Variants in ELMO1 observed in about 807,000 individuals in gnomAD.
ELMO1 encodes engulfment and cell motility 1, also known as engulfment and cell motility protein 1.
Under a neutral mutation model 98.9 loss-of-function variants are expected in ELMO1, and 26 were observed. That is an observed-to-expected ratio of 0.26 (90% CI 0.19 to 0.36). The LOEUF is 0.36. Ranked by LOEUF, ELMO1 falls within the 10% of genes least tolerant of loss-of-function variation. The pLI, the probability that ELMO1 is intolerant of heterozygous loss-of-function variation, is 1.00. For synonymous variants in ELMO1, 346 were observed against 346.0 expected, an observed-to-expected ratio of 1.00 and a Z score of 0.00; for missense variants, 627 against 935.2, an observed-to-expected ratio of 0.67 and a Z score of 4.30.
chr7:37,236,512 T>C (rs1324205499), intron 7 of ELMO1, among the ~76,000 whole-genome samples: 1 of 152,202 alleles, frequency 6.6e-6, no homozygotes, highest in Non-Finnish European at 1.5e-5. Context: ...CAGAGACAGA[T>C]AGGAATATAT....
chr7:37,070,712 G>C (rs568396913), intron 15 of ELMO1, among the ~76,000 whole-genome samples: 2 of 152,308 alleles, frequency 1.3e-5, no homozygotes, highest in South Asian at 2.1e-4. Flanking sequence ...ATGGGTACCA[G>C]CTTTACTCTG....
chr7:37,276,655 C>T (rs1486314276), intron 4 of ELMO1, among the ~76,000 whole-genome samples: 1 of 152,140 alleles, frequency 6.6e-6, no homozygotes, highest in Non-Finnish European at 1.5e-5. Context: ...CACTGCTAGA[C>T]CCTTATTTGT....
At chr7:37,010,738 C>T (rs1793485650) in intron 16 of ELMO1, among the ~76,000 whole-genome samples, 1 of 152,190 alleles carries the variant, frequency 6.6e-6, no homozygotes, top group Non-Finnish European at 1.5e-5. Flanking sequence ...GATAAATTTG[C>T]ATTGTCTAAG....
chr7:37,261,514 G>A (rs953981614), intron 5 of ELMO1, among the ~76,000 whole-genome samples: 1 of 152,162 alleles, frequency 6.6e-6, no homozygotes, highest in African/African-American at 2.4e-5. Context: ...CTGCTGGCCT[G>A]GGAATCACAC....
At chr7:37,403,766 G>A (rs1412334985) in intron 1 of ELMO1, among the ~76,000 whole-genome samples, 3 of 151,944 alleles carry the variant, frequency 2.0e-5, no homozygotes, top group Non-Finnish European at 4.4e-5. Flanking sequence ...GGCTGGTCTC[G>A]AACTCCGGGC....
chr7:37,178,451 A>G (rs1296456661), intron 13 of ELMO1, among the ~76,000 whole-genome samples: 66 of 150,856 alleles, frequency 4.4e-4, no homozygotes, highest in African/African-American at 1.5e-3. Flanking sequence ...AAAAAAAAAG[A>G]AAAAATTAGC....
intron 13 of ELMO1, among the ~76,000 whole-genome samples, chr7:37,188,498 A>AT (rs71002402): frequency 0.011 from 468 of 42,480 alleles, 21 homozygotes; most frequent in African/African-American, 0.024. Context: ...AAAAAAAAAA[A>AT]AAAAATAATA....
chr7:37,140,318 A>G (rs1787544178), intron 13 of ELMO1, among the ~76,000 whole-genome samples: 1 of 151,926 alleles, frequency 6.6e-6, no homozygotes, highest in Non-Finnish European at 1.5e-5. Context: ...CCTGGGAGGC[A>G]GAGCTTGTAG....
chr7:36,946,121 T>C (rs899861598), intron 16 of ELMO1, among the ~76,000 whole-genome samples: 5 of 152,236 alleles, frequency 3.3e-5, no homozygotes, highest in African/African-American at 1.2e-4. Flanking sequence ...CCAAGCACCC[T>C]GGGAAAAATC....
intron 8 of ELMO1, among the ~76,000 whole-genome samples, chr7:37,230,062 A>G (rs1185561472): frequency 6.6e-6 from 1 of 152,182 alleles, no homozygotes; most frequent in Non-Finnish European, 1.5e-5. Flanking sequence ...ATATATTTAA[A>G]TACAGTACTT....
At chr7:37,131,229 G>C (rs1237267146) in intron 14 of ELMO1, among the ~76,000 whole-genome samples, 1 of 151,880 alleles carries the variant, frequency 6.6e-6, no homozygotes, top group Non-Finnish European at 1.5e-5. Flanking sequence ...TTAGGGAAAG[G>C]ACACTTCTGA....
In ELMO1 at chr7:37,146,818, C is replaced by G. The variant is rs146766146; in HGVS notation, c.1087-13584G>C. Among the ~76,000 whole-genome samples the G allele has an allele frequency of 1.5e-3, 227 of 152,264 alleles. 2 individuals are homozygous for G. Among genetic ancestry groups the G allele is most frequent in the African/African-American group, 5.2e-3 (214 of 41,546 alleles). On this transcript the variant is annotated intron_variant, in intron 13 of 21. Transcript: ENST00000310758. ...AAATAACTGTGACAAGGTGTTGGCA[C>G]TGATACTGATGGGCTTCACACCAGG...
chr7:36,910,529 A>G (rs1335950222), intron 16 of ELMO1, among the ~76,000 whole-genome samples: 1 of 152,228 alleles, frequency 6.6e-6, no homozygotes, highest in Admixed American at 6.5e-5. Context: ...GTTTGGCTCT[A>G]GTGAAAGATG....
chr7:37,029,427 C>A (rs1171479847), intron 15 of ELMO1, among the ~76,000 whole-genome samples: 1 of 151,254 alleles, frequency 6.6e-6, no homozygotes, highest in Admixed American at 6.6e-5. Context: ...AAAATCACGG[C>A]GATTATGAAG....
At chr7:36,901,534 G>A (rs1274906077) in intron 16 of ELMO1, among the ~76,000 whole-genome samples, 3 of 152,212 alleles carry the variant, frequency 2.0e-5, no homozygotes, top group Non-Finnish European at 2.9e-5. Context: ...AACACAGGTG[G>A]TGGGCTGGAT....
chr7:37,379,890 C>T (rs534298503), intron 1 of ELMO1, among the ~76,000 whole-genome samples: 1 of 152,322 alleles, frequency 6.6e-6, no homozygotes, highest in African/African-American at 2.4e-5. Flanking sequence ...AGAGGATGCA[C>T]ACAAACTGTC....
At chr7:37,204,333 G>A (rs1003383911) in intron 13 of ELMO1, 2 of 424,066 alleles carry the variant, frequency 4.7e-6, no homozygotes, top group African/African-American at 4.1e-5. Flanking sequence ...TGGGTTCGTG[G>A]TCTCGCTGAC....
intron 16 of ELMO1, among the ~76,000 whole-genome samples, chr7:37,008,483 T>C (rs905415027): frequency 6.9e-6 from 1 of 145,614 alleles, no homozygotes; most frequent in Non-Finnish European, 1.5e-5. Context: ...ATAGCTTCAC[T>C]TTTTTTTTTT....
chr7:37,147,008 C>A (rs545243576), intron 13 of ELMO1, among the ~76,000 whole-genome samples: 22 of 151,666 alleles, frequency 1.5e-4, no homozygotes, highest in Non-Finnish European at 2.6e-4. Context: ...CAGCTTTTTT[C>A]CCCTTTAGGT....
Sources: gnomAD v4.1 joint callset for allele counts (sites outside exome capture counted in the v4.1 genomes callset) on GRCh38, gnomAD v4.1.1 for gene constraint, MANE v1.5 for transcripts, NCBI Gene and HGNC (gene_info 2026-07-23, HGNC 2026-07-21) for gene names.